Variants in BAZ1A observed in about 807,000 individuals in gnomAD.
BAZ1A encodes bromodomain adjacent to zinc finger domain protein 1A.
In BAZ1A, 50 loss-of-function variants were observed where a neutral mutation model predicts 185.2. The observed-to-expected ratio is 0.27, with a 90% CI of 0.22 to 0.34. BAZ1A has a LOEUF of 0.34. Among genes scored for constraint, BAZ1A ranks in the 10% least tolerant of loss-of-function variants. The pLI, the probability that BAZ1A is intolerant of heterozygous loss-of-function variation, is 1.00. For synonymous variants in BAZ1A, 571 were observed against 615.6 expected (o/e 0.93, Z 1.07); for missense variants, 1,356 against 1,839.9 (o/e 0.74, Z 4.81).
At position 34,785,949 on chromosome 14, in the gene BAZ1A, G is replaced by A. The variant is rs766774746; in HGVS notation, c.1659C>T (p.Leu553=). 5.6e-6 allele frequency: 9 copies of A among 1,614,100 alleles called. No homozygotes were observed. The East Asian group carries it at 1.8e-4, about 32-fold the overall frequency. The change falls in exon 14 of 27, where the codon CTC becomes CTT. Residue 553 remains leucine, a synonymous_variant. Transcript: ENST00000360310. ...CACCTGAAGCTAAGATGTGCAGTCTGAGGATTTCTGAAAGAGTGCAGCTAT... is the reference window on the plus strand; with the variant it reads ...CACCTGAAGCTAAGATGTGCAGTCTAAGGATTTCTGAAAGAGTGCAGCTAT... ...DLDSCTLSEI[L]RLHILASGAD...
intron 16 of BAZ1A, among the ~76,000 whole-genome samples, chr14:34,781,599 C>CTCCA (rs1237913368): frequency 6.6e-6 from 1 of 151,660 alleles, no homozygotes; most frequent in Non-Finnish European, 1.5e-5. Context: ...TCATTGCAAC[C>CTCCA]TCCACCTCCA....
chr14:34,756,113 T>TAA (rs1566540750), intron 25 of BAZ1A, among the ~76,000 whole-genome samples: 1 of 141,346 alleles, frequency 7.1e-6, no homozygotes, highest in African/African-American at 2.6e-5. Context: ...ACTGGTTTTT[T>TAA]TCTTTTTTTT....
chr14:34,832,151 T>C (rs1253515116), intron 3 of BAZ1A, among the ~76,000 whole-genome samples: 1 of 148,562 alleles, frequency 6.7e-6, no homozygotes, highest in East Asian at 2.0e-4. Context: ...AATGTAAGTA[T>C]GTATGTATGT....
chr14:34,822,718 A>G (rs775833327), intron 4 of BAZ1A, among the ~76,000 whole-genome samples: 14 of 152,186 alleles, frequency 9.2e-5, no homozygotes, highest in Non-Finnish European at 1.6e-4. Flanking sequence ...GGCACAGTCT[A>G]TTTAGTCAGG....
chr14:34,802,772 G>A, intron 7 of BAZ1A, 82 bp downstream of exon 7: 1 of 1,422,496 alleles, frequency 7.0e-7, no homozygotes, highest in Non-Finnish European at 9.6e-7. Flanking sequence ...CTATGGATGT[G>A]AGGGGAGACA....
At chr14:34,806,054 A>T (rs1264696717) in intron 6 of BAZ1A, among the ~76,000 whole-genome samples, 1 of 151,990 alleles carries the variant, frequency 6.6e-6, no homozygotes, top group Non-Finnish European at 1.5e-5. Context: ...TTTAACATTA[A>T]AATTTGTTTC....
intron 11 of BAZ1A, among the ~76,000 whole-genome samples, chr14:34,794,277 C>CA (rs1566565763): frequency 2.0e-5 from 3 of 152,110 alleles, no homozygotes; most frequent in Non-Finnish European, 4.4e-5. Context: ...AATGTTTATA[C>CA]AAAGTAAAAG....
intron 12 of BAZ1A, among the ~76,000 whole-genome samples, chr14:34,790,680 G>T (rs1243273774): frequency 6.6e-6 from 1 of 152,040 alleles, no homozygotes; most frequent in Non-Finnish European, 1.5e-5. Context: ...AGAGACAGGG[G>T]TCTCACTATG....
At position 34,776,398 on chromosome 14, in the gene BAZ1A, T is replaced by A; in HGVS notation, c.2354A>T (p.Lys785Ile). 1 of 1,614,062 alleles carries A rather than the reference T, an allele frequency of 6.2e-7. No homozygotes were observed. The highest frequency in any genetic ancestry group is 8.5e-7 in the Non-Finnish European group (1 of 1,180,020). ...GATTTTTTCTAAGAGCTCTTTCTCT[T>A]TTCGTTGGTGTTCCTGTTTTAATGC... is the stretch of plus-strand genomic sequence containing the variant. ...EEALKQEHQR[K>I]EKELLEKIQS... The change falls in exon 18 of 27, where the codon AAA (lysine) becomes ATA (isoleucine). Residue 785 changes from lysine (K) to isoleucine (I), a missense_variant. Lys to Ile is a moderately radical substitution (Grantham distance 102). Around this residue, in one of 7 missense-constraint regions of BAZ1A, gnomAD observed 434 missense variants for 561.7 expected, o/e 0.77. Coordinates refer to ENST00000360310, the MANE Select transcript of BAZ1A (RefSeq NM_013448.3).
chr14:34,776,361 T>C lies in BAZ1A; in HGVS notation c.2391A>G (p.Ile797Met). ...CCAAGGGAAAGATATTGGTACAGGC[T>C]ATGGCACTTTGGATTTTTTCTAAGA... is the stretch of plus-strand genomic sequence containing the variant. ...KELLEKIQSA[I>M]ACTNIFPLGR... Residue 797 changes from isoleucine (I) to methionine (M), a missense_variant, in exon 18 of 27, where the codon ATA (isoleucine) becomes ATG (methionine). Coordinates refer to ENST00000360310, the MANE Select transcript of BAZ1A (RefSeq NM_013448.3). The C allele has an allele frequency of 1.2e-6, 2 of 1,614,160 alleles. No individual in the cohort carries two copies. The highest frequency in any genetic ancestry group is 1.7e-6 in the Non-Finnish European group (2 of 1,180,032).
At chr14:34,837,798 C>T (rs1594890298) in intron 3 of BAZ1A, among the ~76,000 whole-genome samples, 2 of 152,158 alleles carry the variant, frequency 1.3e-5, no homozygotes, top group East Asian at 3.8e-4. Flanking sequence ...CAGCTTTGTG[C>T]CGTCCAGCCT....
At chr14:34,814,326 C>A (rs1231777072) in intron 4 of BAZ1A, among the ~76,000 whole-genome samples, 1 of 151,456 alleles carries the variant, frequency 6.6e-6, no homozygotes, top group Non-Finnish European at 1.5e-5. Flanking sequence ...CAATTAAATA[C>A]ACAAAAAATC....
intron 3 of BAZ1A, among the ~76,000 whole-genome samples, chr14:34,840,028 ATTAGT>A (rs767915942): frequency 5.3e-5 from 8 of 152,158 alleles, no homozygotes; most frequent in Non-Finnish European, 7.4e-5. Flanking sequence ...GCAAAGTTTT[ATTAGT>A]TTAAACTACT....
intron 25 of BAZ1A, among the ~76,000 whole-genome samples, chr14:34,756,128 T>TG (rs1323416368): frequency 2.0e-5 from 3 of 149,254 alleles, no homozygotes; most frequent in East Asian, 3.9e-4. Flanking sequence ...TTTTTTTTTT[T>TG]TTTGAGACAG....
Position 34,792,917 on chromosome 14 carries a change from T to G in BAZ1A, c.1368A>C (p.Val456=). 6.2e-7 allele frequency: 1 copy of G among 1,603,992 alleles called. No individual in the cohort carries two copies. Among genetic ancestry groups the G allele is most frequent in the Admixed American group, 1.8e-5 (1 of 56,114 alleles). The change falls in exon 12 of 27, where the codon GTA becomes GTC. Residue 456 remains valine (V), a synonymous_variant. Transcript: ENST00000360310. ...CATTTCCTACAAGAGCTTCCTCTAA[T>G]ACTTCTGTGAATAAAATGTTTAAAA... The part of the protein sequence containing the change: ...DEFPDGVTLE[V]LEEALVGNDS...
chr14:34,763,009 G>A (rs968432322), intron 23 of BAZ1A, among the ~76,000 whole-genome samples: 4 of 152,190 alleles, frequency 2.6e-5, no homozygotes, highest in African/African-American at 9.6e-5. Flanking sequence ...GGCTGCCAAT[G>A]AAGTGGGCCT....
In BAZ1A at chr14:34,832,215, C is replaced by CACACACATATATATATATATAT; in HGVS notation, c.393-6060_393-6059insATATATATATATATATGTGTGT. ...ATACACACACACACACACACACACACATATATATATATATATGTATGTATG... is the reference window on the plus strand; with the variant it reads ...ATACACACACACACACACACACACACACACACATATATATATATATATATATATATATATATATGTATGTATG... On this transcript the variant is annotated intron_variant, in intron 3 of 26. Transcript: ENST00000360310. 2.5e-3 allele frequency among the ~76,000 whole-genome samples: 227 copies of CACACACATATATATATATATAT among 89,654 alleles called. 3 individuals carry two copies. Among genetic ancestry groups the CACACACATATATATATATATAT allele is most frequent in the African/African-American group, 7.9e-3 (212 of 26,746 alleles). The allele number at this position is 89,654 out of a possible 152,430, so 58.8% of individuals were successfully genotyped here. A position where few individuals can be genotyped will look rare whatever the true frequency, so the allele number is the denominator to read the frequency against.
At chr14:34,772,759 G>T (rs1879308583) in intron 20 of BAZ1A, among the ~76,000 whole-genome samples, 1 of 152,128 alleles carries the variant, frequency 6.6e-6, no homozygotes, top group South Asian at 2.1e-4. Context: ...GGCCAGGCGT[G>T]GTGGCTCAGG....
chr14:34,866,150 T>G (rs893806310), intron 2 of BAZ1A, among the ~76,000 whole-genome samples: 1 of 152,050 alleles, frequency 6.6e-6, no homozygotes. Context: ...ATTACACCAC[T>G]GCACTCCAGC....
Sources: gnomAD v4.1 joint callset for allele counts (sites outside exome capture counted in the v4.1 genomes callset) on GRCh38, gnomAD v4.1.1 for gene constraint, gnomAD v4.1.1 regional missense constraint, MANE v1.5 for transcripts, NCBI Gene and HGNC (gene_info 2026-07-23, HGNC 2026-07-21) for gene names.